INTS3: variants seen among roughly 807,000 people sequenced by gnomAD.
The protein encoded by INTS3 is SOSS complex subunit A.
In INTS3, 34 loss-of-function variants were observed where a neutral mutation model predicts 146.3. That is an observed-to-expected ratio of 0.23 (90% confidence interval 0.18 to 0.31). The LOEUF (loss-of-function observed/expected upper bound fraction) is 0.31. INTS3 is among the 10% of genes least tolerant of loss of function. INTS3 has a pLI of 1.00. For missense variants in INTS3, 757 were observed against 1,304.2 expected (o/e 0.58, Z 6.46); for synonymous variants, 475 against 494.9 (o/e 0.96, Z 0.53).
rs543130680 is a variant in INTS3 at position 153,768,427 on chromosome 1, C to T, written c.2245-466C>T. 2.0e-5 allele frequency among the ~76,000 whole-genome samples: 3 copies of T among 152,318 alleles called. No homozygotes were observed. The South Asian group carries it at 6.2e-4, about 32-fold the overall frequency. ...CTGGACACAGGGTACTTTCCTCCCCCTTCTCTAGATGAGGCCCTGCCTACC... is the reference window on the plus strand; with the variant it reads ...CTGGACACAGGGTACTTTCCTCCCCTTTCTCTAGATGAGGCCCTGCCTACC... On this transcript the variant is annotated intron_variant, in intron 21 of 29. Transcript: ENST00000318967.
In INTS3 at chr1:153,757,688, C is replaced by T. The variant is rs902170764; in HGVS notation, c.1074C>T (p.His358=). The change falls in exon 10 of 30, where the codon CAC becomes CAT. Residue 358 remains histidine (H), a synonymous_variant. Transcript: ENST00000318967. This position sits in a 1 kb window ranked among gnomAD's most constrained non-coding sequence, Gnocchi z 4.0. ...TTCGCTACATCTGTGGGGTAGTCCA[C>T]CCTTCTAATGAAGTACTGAGTTCAG... The part of the protein sequence containing the change: ...DLIRYICGVV[H]PSNEVLSSDI... The T allele has an allele frequency of 1.2e-6, 2 of 1,614,162 alleles. No homozygotes were observed. Among genetic ancestry groups the T allele is most frequent in the African/African-American group, 2.7e-5 (2 of 75,056 alleles).
intron 1 of INTS3, among the ~76,000 whole-genome samples, chr1:153,739,702 C>T (rs1400519099): frequency 8.6e-5 from 13 of 152,012 alleles, no homozygotes; most frequent in Non-Finnish European, 1.5e-4. Context: ...CTCCTGACCT[C>T]GGGTGATCTG....
At position 153,772,070 on chromosome 1, in the gene INTS3, C is replaced by T; in HGVS notation, c.2720+107C>T. 3.2e-6 allele frequency: 4 copies of T among 1,257,650 alleles called. No individual in the cohort carries two copies. The highest frequency in any genetic ancestry group is 4.4e-6 in the Non-Finnish European group (4 of 915,808). 77.9% of individuals were successfully genotyped at this position (1,257,650 alleles called of 1,614,324 possible). ...GGTGGTGATGGGGGTCAGTGCTGTC[C>T]CAGCCTGGTTTGTGGGCGACATCTA... On this transcript the variant is annotated intron_variant, in intron 26 of 29. Transcript: ENST00000318967. This position sits in a 1 kb window ranked among gnomAD's most constrained non-coding sequence, Gnocchi z 4.6.
intron 1 of INTS3, among the ~76,000 whole-genome samples, chr1:153,736,761 C>CTTTTTTTTTTTTTTTTTTTTTT (rs5777880): frequency 1.1e-5 from 1 of 94,060 alleles, no homozygotes. Context: ...GTCTTTCATT[C>CTTTTTTTTTTTTTTTTTTTTTT]TTTTTTTTTT....
In INTS3 at chr1:153,772,815, G is replaced by C; in HGVS notation, c.2894+104G>C. ...ACGTAATGGCCAGCAAGACCTTAGG[G>C]TCCAGGGTTGAAGAAAAAGAAGGCC... On this transcript the variant is annotated intron_variant, in intron 28 of 29. Transcript: ENST00000318967. The surrounding 1 kb of genome is among the most constrained non-coding windows in gnomAD (Gnocchi z 4.6). 1 of 1,583,104 alleles carries C rather than the reference G, an allele frequency of 6.3e-7. No individual in the cohort carries two copies. Among genetic ancestry groups the C allele is most frequent in the Non-Finnish European group, 8.6e-7 (1 of 1,161,710 alleles).
chr1:153,760,492 T>C lies in INTS3; in HGVS notation c.1317+102T>C, dbSNP rs1282750934. 3 of 979,156 alleles carry C rather than the reference T, an allele frequency of 3.1e-6. No homozygotes were observed. The African/African-American group carries it at 4.8e-5, about 16-fold the overall frequency. The allele number at this position is 979,156 out of a possible 1,614,324, so 60.7% of individuals were successfully genotyped here. ...ACGGGTCTTCTCGGTATGCCTTGAC[T>C]GAGAGCAGAAATGGTCATGGGTCCT... On this transcript the variant is annotated intron_variant, in intron 12 of 29. Coordinates refer to ENST00000318967, the MANE Select transcript of INTS3 (RefSeq NM_023015.5).
At position 153,760,573 on chromosome 1, in the gene INTS3, T is replaced by A; in HGVS notation, c.1317+183T>A. ...ATATTCCACTGTCTGCACTTGGATC[T>A]TCCCATTTTCTGTGGGGTTTCTCAA... On this transcript the variant is annotated intron_variant, in intron 12 of 29. Transcript: ENST00000318967. 4.8e-6 allele frequency: 3 copies of A among 629,308 alleles called. No homozygotes were observed. The South Asian group carries it at 5.9e-5, about 12-fold the overall frequency. The allele number at this position is 629,308 out of a possible 1,614,324, so 39.0% of individuals were successfully genotyped here. A position where few individuals can be genotyped will look rare whatever the true frequency, so the allele number is the denominator to read the frequency against.
chr1:153,774,807 CAT>C, exon 30 of INTS3: 2 of 362,622 alleles, frequency 5.5e-6, no homozygotes, highest in Non-Finnish European at 1.0e-5. Flanking sequence ...GGATGGAGAG[CAT>C]TTGCTGGCTG....
At chr1:153,734,467 C>T (rs1671212766) in intron 1 of INTS3, among the ~76,000 whole-genome samples, 2 of 152,154 alleles carry the variant, frequency 1.3e-5, no homozygotes, top group Non-Finnish European at 2.9e-5. Context: ...TTCCTCATTG[C>T]AGTTATCCAC....
chr1:153,760,350 AC>A lies in INTS3; in HGVS notation c.1280del (p.Pro427GlnfsTer46). ...ILVMHHSMKP[H>X]PAITATLLDF... is the part of the protein sequence containing the mutation. ...GTCATGCACCACTCCATGAAGCCCC[AC>A]CCAGCCATCACTGCCACACTCCTGG... On this transcript the variant is annotated frameshift_variant, in exon 12 of 30. Coordinates refer to ENST00000318967, the MANE Select transcript of INTS3 (RefSeq NM_023015.5). LOFTEE classifies it high-confidence loss of function. The A allele has an allele frequency of 6.2e-7, 1 of 1,610,638 alleles. No individual in the cohort carries two copies. The highest frequency in any genetic ancestry group is 8.5e-7 in the Non-Finnish European group (1 of 1,179,212).
chr1:153,771,751 G>A, intron 25 of INTS3, 45 bp from the exon 26 acceptor site: 1 of 1,571,874 alleles, frequency 6.4e-7, no homozygotes, highest in Non-Finnish European at 8.7e-7. Context: ...AGCATGCCCT[G>A]CGGCCACTGT....
Position 153,772,474 on chromosome 1 carries a change from G to A in INTS3, c.2821+34G>A, listed in dbSNP as rs569529889. 1.5e-5 allele frequency: 24 copies of A among 1,613,900 alleles called. No individual in the cohort carries two copies. The Admixed American group carries it at 1.8e-4, about 12-fold the overall frequency. On this transcript the variant is annotated intron_variant, in intron 27 of 29. Coordinates refer to ENST00000318967, the MANE Select transcript of INTS3 (RefSeq NM_023015.5). This position sits in a 1 kb window ranked among gnomAD's most constrained non-coding sequence, Gnocchi z 4.6. Reference sequence around the variant, plus strand: ...TCCACCCTCGGCGTCCAGTGTAGACGGTGCTGCCCTGGCCCAGACTATGCC... The same window carrying A: ...TCCACCCTCGGCGTCCAGTGTAGACAGTGCTGCCCTGGCCCAGACTATGCC...
Sources: allele counts gnomAD v4.1 joint callset (sites outside exome capture counted in the v4.1 genomes callset), GRCh38; gene constraint gnomAD v4.1.1; non-coding constraint Gnocchi (gnomAD v3.1); transcripts MANE v1.5; gene names NCBI Gene and HGNC (gene_info 2026-07-23, HGNC 2026-07-21).